The following ARHGEF4 variants were observed in gnomAD, a reference collection of about 807,000 sequenced individuals.
ARHGEF4 encodes the protein Rho guanine nucleotide exchange factor 4, also known as APC-stimulated guanine nucleotide exchange factor 1.
A neutral mutation model predicts 162.0 loss-of-function variants in ARHGEF4; 119 were observed. That is an observed-to-expected ratio of 0.73 (90% confidence interval 0.63 to 0.86). The LOEUF (loss-of-function observed/expected upper bound fraction) is 0.86. ARHGEF4 is among the 40% of genes least tolerant of loss of function. The probability of loss-of-function intolerance (pLI) is 0.00; values close to 1 mark genes in which losing one functional copy is unlikely to be tolerated. For synonymous variants in ARHGEF4, 1,014 were observed against 979.9 expected (o/e 1.03, Z -0.65); for missense variants, 2,488 against 2,456.0 (o/e 1.01, Z -0.28).
At chr2:131,002,365 C>G (rs1225533240) in intron 4 of ARHGEF4, among the ~76,000 whole-genome samples, 1 of 152,080 alleles carries the variant, frequency 6.6e-6, no homozygotes, top group Admixed American at 6.5e-5. Flanking sequence ...ATCACGAGGT[C>G]AGGAGATCGA....
At chr2:130,938,786 T>C (rs975763071) in intron 3 of ARHGEF4, among the ~76,000 whole-genome samples, 2 of 152,208 alleles carry the variant, frequency 1.3e-5, no homozygotes, top group African/African-American at 4.8e-5. Flanking sequence ...GGATGTGCTT[T>C]TGGCATCATG....
At position 130,917,271 on chromosome 2, in the gene ARHGEF4, C is replaced by T. The variant is rs773657792; in HGVS notation, c.3325C>T (p.Pro1109Ser). The T allele has an allele frequency of 2.5e-4, 392 of 1,550,406 alleles. No homozygotes were observed. Among genetic ancestry groups the T allele is most frequent in the Non-Finnish European group, 3.4e-4 (386 of 1,146,992 alleles). Residue 1109 changes from proline (P) to serine (S), a missense_variant, in exon 2 of 14, where the codon CCC becomes TCC. Physicochemically the swap from Pro to Ser is moderately conservative, Grantham distance 74. Transcript: ENST00000409359. ...TGCTCAGCGGATGGGTCTCCACTAC[C>T]CCGGGAGGGGTAGCGCCATCTCCAT... ...PSAQRMGLHY[P>S]GRGSAISMVS...
chr2:131,044,319 G>A lies in ARHGEF4; in HGVS notation c.5178G>A (p.Val1726=), dbSNP rs1190991588. Residue 1726 remains valine, a synonymous_variant, in exon 12 of 14, where the codon GTG becomes GTA. Coordinates refer to ENST00000409359, the MANE Select transcript of ARHGEF4 (RefSeq NM_001367493.1). ...GGCAGGACCTGCTCCGCCGCGACGT[G>A]TTGTACTACAAGGGCCGGCTGGACA... The part of the protein sequence containing the change: ...YCKKDLLRRD[V]LYYKGRLDMD... 6.2e-7 allele frequency: 1 copy of A among 1,610,644 alleles called. No individual in the cohort carries two copies. Among genetic ancestry groups the A allele is most frequent in the Admixed American group, 1.7e-5 (1 of 59,728 alleles).
At chr2:130,996,027 T>C (rs1255994956) in intron 4 of ARHGEF4, among the ~76,000 whole-genome samples, 1 of 151,924 alleles carries the variant, frequency 6.6e-6, no homozygotes, top group Non-Finnish European at 1.5e-5. Flanking sequence ...GTAGCTGGGA[T>C]TACAGGCGCC....
At chr2:130,938,516 T>C (rs977910461) in intron 3 of ARHGEF4, among the ~76,000 whole-genome samples, 3 of 152,234 alleles carry the variant, frequency 2.0e-5, no homozygotes, top group African/African-American at 7.2e-5. Flanking sequence ...TCTAACTGGA[T>C]AGCCTTTTCA....
intron 1 of ARHGEF4, among the ~76,000 whole-genome samples, chr2:130,838,756 G>A (rs1177626833): frequency 6.6e-6 from 1 of 152,216 alleles, no homozygotes. Flanking sequence ...GCAAGGAGTT[G>A]CCCAGGTGAG....
intron 3 of ARHGEF4, among the ~76,000 whole-genome samples, chr2:130,940,115 C>T (rs1486338118): frequency 6.6e-6 from 1 of 152,008 alleles, no homozygotes; most frequent in African/African-American, 2.4e-5. Context: ...TGCCCAATTC[C>T]AAAGTCACTT....
intron 3 of ARHGEF4, among the ~76,000 whole-genome samples, chr2:130,934,703 T>C (rs1682835038): frequency 6.6e-6 from 1 of 152,016 alleles, no homozygotes; most frequent in African/African-American, 2.4e-5. Context: ...CTGCCATGCA[T>C]GGTTAATTTT....
chr2:131,035,525 C>T (rs1291494044), intron 5 of ARHGEF4: 5 of 481,190 alleles, frequency 1.0e-5, no homozygotes, highest in Middle Eastern at 7.9e-4. Flanking sequence ...TGGCGCGTCT[C>T]TGCGAGTAAC....
At position 130,946,531 on chromosome 2, in the gene ARHGEF4, C is replaced by T; in HGVS notation, c.3881C>T (p.Thr1294Ile). The change falls in exon 4 of 14, where the codon ACC becomes ATC. Residue 1294 changes from threonine (T) to isoleucine (I), a missense_variant. Physicochemically the swap from Thr to Ile is moderately conservative, Grantham distance 89. This residue lies in a region of ARHGEF4 where 1,642 missense variants were observed against 1,481.5 expected (regional missense o/e 1.11). Transcript: ENST00000409359. ...GVKCWRKTII[T>I]SPESLNLPRR... is the part of the protein sequence containing the mutation. ...CAGTGCTGGAGAAAGACGATCATTACCTCTCCAGAGTCTTTGAATCTCCCT... is the reference window on the plus strand; with the variant it reads ...CAGTGCTGGAGAAAGACGATCATTATCTCTCCAGAGTCTTTGAATCTCCCT... The T allele has an allele frequency of 6.2e-7, 1 of 1,613,420 alleles. No individual in the cohort carries two copies. The highest frequency in any genetic ancestry group is 8.5e-7 in the Non-Finnish European group (1 of 1,179,688).
chr2:130,948,137 T>C (rs972825325), intron 4 of ARHGEF4, among the ~76,000 whole-genome samples: 8 of 152,184 alleles, frequency 5.3e-5, no homozygotes, highest in South Asian at 2.1e-4. Flanking sequence ...TGCTGGAGTT[T>C]GGCATGTGCC....
intron 4 of ARHGEF4, among the ~76,000 whole-genome samples, chr2:130,963,101 T>C (rs1210313884): frequency 6.6e-6 from 1 of 152,204 alleles, no homozygotes; most frequent in Non-Finnish European, 1.5e-5. Context: ...AACTCCTGGC[T>C]CCTTGCAGTG....
At chr2:130,911,536 G>A (rs948662706) in intron 1 of ARHGEF4, among the ~76,000 whole-genome samples, 1 of 152,192 alleles carries the variant, frequency 6.6e-6, no homozygotes, top group African/African-American at 2.4e-5. Flanking sequence ...TATAAGATTA[G>A]AATCCAATAT....
chr2:130,972,425 C>A (rs1446586804), intron 4 of ARHGEF4, among the ~76,000 whole-genome samples: 4 of 152,202 alleles, frequency 2.6e-5, no homozygotes, highest in African/African-American at 9.7e-5. Flanking sequence ...CAGTCACCTT[C>A]TTGAGTTCAT....
intron 1 of ARHGEF4, among the ~76,000 whole-genome samples, chr2:130,848,405 T>C (rs918060642): frequency 5.3e-5 from 8 of 152,320 alleles, no homozygotes; most frequent in African/African-American, 1.7e-4. Flanking sequence ...GGTCAGGCCA[T>C]GAGCAAGACA....
At position 130,914,360 on chromosome 2, in the gene ARHGEF4, G is replaced by C. The variant is rs1681366295; in HGVS notation, c.414G>C (p.Glu138Asp). Residue 138 changes from glutamate to aspartate, a missense_variant, in exon 2 of 14, where the codon GAG (glutamate) becomes GAC (aspartate). Physicochemically the swap from Glu to Asp is conservative, Grantham distance 45. Transcript: ENST00000409359. ...KEELDLSPSLEDDSCKNGWRA... is the reference protein window; with the variant it reads ...KEELDLSPSLDDDSCKNGWRA... ...AACTCGATTTGTCCCCTAGCTTAGA[G>C]GATGACTCTTGCAAAAATGGGTGGC... 2.1e-6 allele frequency: 3 copies of C among 1,452,508 alleles called. No individual in the cohort carries two copies. The highest frequency in any genetic ancestry group is 1.8e-6 in the Non-Finnish European group (2 of 1,108,282). The allele number at this position is 1,452,508 out of a possible 1,614,324, so 90.0% of individuals were successfully genotyped here.
Position 131,001,296 on chromosome 2 carries a change from GTGTC to G in ARHGEF4, c.3986-26647_3986-26644del, listed in dbSNP as rs1339843992. ...CCAGCCTGGGCGACAGAGTGAGACTGTGTCTCAAAAAAAAAAAAAAAAAAAAAAA... is the reference window on the plus strand; with the variant it reads ...CCAGCCTGGGCGACAGAGTGAGACTGTCAAAAAAAAAAAAAAAAAAAAAAA... On this transcript the variant is annotated intron_variant, in intron 4 of 13. Coordinates refer to ENST00000409359, the MANE Select transcript of ARHGEF4 (RefSeq NM_001367493.1). Among the ~76,000 whole-genome samples, 3 of 105,244 alleles carry G rather than the reference GTGTC, an allele frequency of 2.9e-5. No homozygotes were observed. In the East Asian group the frequency reaches 8.7e-4, roughly 31 times the overall value. The allele number at this position is 105,244 out of a possible 152,430, so 69.0% of individuals were successfully genotyped here.
At chr2:130,895,925 T>C (rs1446239825) in intron 1 of ARHGEF4, among the ~76,000 whole-genome samples, 2 of 152,194 alleles carry the variant, frequency 1.3e-5, no homozygotes, top group Non-Finnish European at 2.9e-5. Context: ...GATTTTCTTA[T>C]ATATTTATTT....
chr2:130,949,792 G>A (rs1360128334), intron 4 of ARHGEF4, among the ~76,000 whole-genome samples: 2 of 152,170 alleles, frequency 1.3e-5, no homozygotes, highest in African/African-American at 2.4e-5. Flanking sequence ...GGGGTTACAG[G>A]TCCCCACCAC....
Sources: allele counts gnomAD v4.1 joint callset (sites outside exome capture counted in the v4.1 genomes callset), GRCh38; gene constraint gnomAD v4.1.1; regional missense constraint gnomAD v4.1.1; transcripts MANE v1.5; gene names NCBI Gene and HGNC (gene_info 2026-07-23, HGNC 2026-07-21).